CCDC171: variants seen among roughly 807,000 people sequenced by gnomAD.
The protein encoded by CCDC171 is coiled-coil domain-containing protein 171.
A neutral mutation model predicts 168.2 loss-of-function variants in CCDC171; 177 were observed. The ratio of observed to expected loss-of-function variants is 1.05; its 90% CI spans 0.93 to 1.19. The LOEUF is 1.19. CCDC171 is among the 50% of genes most tolerant of loss of function. The pLI, the probability that CCDC171 is intolerant of heterozygous loss-of-function variation, is 0.00. For synonymous variants in CCDC171, 687 were observed against 540.8 expected (o/e 1.27, Z -3.75); for missense variants, 1,991 against 1,539.0 (o/e 1.29, Z -4.91).
chr9:15,869,749 TAA>T (rs2061952927), intron 23 of CCDC171, among the ~76,000 whole-genome samples: 1 of 151,722 alleles, frequency 6.6e-6, no homozygotes, highest in Non-Finnish European at 1.5e-5. Flanking sequence ...CTAGACTATA[TAA>T]AACTTGAAAA....
At chr9:15,950,143 G>A (rs1251881876) in intron 25 of CCDC171, among the ~76,000 whole-genome samples, 8 of 152,084 alleles carry the variant, frequency 5.3e-5, no homozygotes, top group Non-Finnish European at 7.3e-5. Flanking sequence ...CCAAATCTAC[G>A]TCTGATTGGT....
At chr9:15,765,928 A>AT (rs925840479) in intron 18 of CCDC171, among the ~76,000 whole-genome samples, 4 of 152,046 alleles carry the variant, frequency 2.6e-5, no homozygotes, top group Admixed American at 2.6e-4. Context: ...TTTATTAGCT[A>AT]TTTTTTCAGG....
chr9:16,091,572 C>CA, the CCDC171 span, among the ~76,000 whole-genome samples: 10 of 152,142 alleles, frequency 6.6e-5, no homozygotes, highest in African/African-American at 2.4e-4. Context: ...GCTCTCAGGT[C>CA]GTGATCAGTC....
rs535186319 is a variant in CCDC171 at position 15,706,244 on chromosome 9, G to GCTTC, written c.1318+10931_1318+10934dup. Among the ~76,000 whole-genome samples, 353 of 77,202 alleles carry GCTTC rather than the reference G, an allele frequency of 4.6e-3. 2 individuals are homozygous for GCTTC. The highest frequency in any genetic ancestry group is 0.038 in the South Asian group (79 of 2,088). The allele number at this position is 77,202 out of a possible 152,430, so 50.6% of individuals were successfully genotyped here. A position where few individuals can be genotyped will look rare whatever the true frequency, so the allele number is the denominator to read the frequency against. Reference sequence around the variant, plus strand: ...TCCTTCCTTCCTTCCTTCCTTCCTTGCTTCCTTCCTTCCTTCCTTCCTTCC... The same window carrying GCTTC: ...TCCTTCCTTCCTTCCTTCCTTCCTTGCTTCCTTCCTTCCTTCCTTCCTTCCTTCC... On this transcript the variant is annotated intron_variant, in intron 11 of 25. Coordinates refer to ENST00000380701, the MANE Select transcript of CCDC171 (RefSeq NM_173550.4).
chr9:15,585,784 C>G (rs1192328523), intron 4 of CCDC171, among the ~76,000 whole-genome samples: 2 of 152,086 alleles, frequency 1.3e-5, no homozygotes, highest in African/African-American at 4.8e-5. Flanking sequence ...TCAAGACCAT[C>G]CTGACCAACA....
intron 24 of CCDC171, among the ~76,000 whole-genome samples, chr9:15,904,074 A>G (rs1822131202): frequency 1.3e-5 from 2 of 152,210 alleles, no homozygotes; most frequent in Non-Finnish European, 1.5e-5. Context: ...AGTGACGGGC[A>G]GAATGGAACC....
intron 18 of CCDC171, among the ~76,000 whole-genome samples, chr9:15,761,171 T>G (rs1447904039): frequency 6.6e-6 from 1 of 152,208 alleles, no homozygotes; most frequent in African/African-American, 2.4e-5. Context: ...CCTGTGTAAT[T>G]ACGTCTTAAT....
At chr9:15,939,281 A>G (rs1328994859) in intron 25 of CCDC171, among the ~76,000 whole-genome samples, 2 of 151,772 alleles carry the variant, frequency 1.3e-5, no homozygotes, top group Non-Finnish European at 2.9e-5. Flanking sequence ...TCATGTACTT[A>G]TATATCCTGA....
At chr9:15,924,174 G>T (rs993683598) in intron 25 of CCDC171, among the ~76,000 whole-genome samples, 18 of 151,458 alleles carry the variant, frequency 1.2e-4, no homozygotes, top group Non-Finnish European at 1.9e-4. Context: ...GCTGGAAATG[G>T]GTCATGTGGC....
At chr9:15,862,052 G>T (rs1035430080) in intron 23 of CCDC171, among the ~76,000 whole-genome samples, 1 of 151,772 alleles carries the variant, frequency 6.6e-6, no homozygotes, top group Non-Finnish European at 1.5e-5. Context: ...CTTTGAATAT[G>T]TCATGTTACT....
chr9:15,755,558 C>T (rs911150818), intron 18 of CCDC171, among the ~76,000 whole-genome samples: 3 of 152,078 alleles, frequency 2.0e-5, no homozygotes, highest in Non-Finnish European at 2.9e-5. Context: ...AAAGAAAACC[C>T]AGATGTCTAT....
intron 14 of CCDC171, among the ~76,000 whole-genome samples, chr9:15,725,328 G>A (rs2053730001): frequency 6.6e-6 from 1 of 152,092 alleles, no homozygotes; most frequent in South Asian, 2.1e-4. Flanking sequence ...GATTGATGGT[G>A]GAAAGAATAA....
intron 3 of CCDC171, among the ~76,000 whole-genome samples, chr9:16,006,580 C>T (rs553628889): frequency 4.1e-5 from 6 of 145,490 alleles, no homozygotes; most frequent in African/African-American, 1.2e-4. Flanking sequence ...ATCCCTCCCC[C>T]CTCCCCTCAC....
the CCDC171 span, among the ~76,000 whole-genome samples, chr9:16,079,916 CAT>C: frequency 1.3e-5 from 2 of 152,176 alleles, no homozygotes; most frequent in Non-Finnish European, 2.9e-5. Context: ...TCATTTTGCA[CAT>C]GAGGAAACTG....
At chr9:15,901,453 A>G (rs1821654828) in intron 24 of CCDC171, among the ~76,000 whole-genome samples, 1 of 152,216 alleles carries the variant, frequency 6.6e-6, no homozygotes, top group Admixed American at 6.5e-5. Flanking sequence ...CAGAGCATGT[A>G]TGGGAACTCT....
At chr9:15,903,354 C>A (rs570124815) in intron 24 of CCDC171, among the ~76,000 whole-genome samples, 1 of 152,228 alleles carries the variant, frequency 6.6e-6, no homozygotes, top group South Asian at 2.1e-4. Flanking sequence ...AATGATCAGG[C>A]GGCAACCTTT....
At chr9:15,653,985 A>G (rs1389146579) in intron 7 of CCDC171, among the ~76,000 whole-genome samples, 1 of 152,168 alleles carries the variant, frequency 6.6e-6, no homozygotes, top group Non-Finnish European at 1.5e-5. Flanking sequence ...TCAGATATCC[A>G]AATGTCCTCA....
rs538605183 is a variant in CCDC171 at position 15,710,824 on chromosome 9, G to A, written c.1319-10945G>A. On this transcript the variant is annotated intron_variant, in intron 11 of 25. Coordinates refer to ENST00000380701, the MANE Select transcript of CCDC171 (RefSeq NM_173550.4). ...GTTGACCAGGATGGTCTTGAACTCC[G>A]GACCTCAAGTGATCCACCTGCCTCG... 6.6e-5 allele frequency among the ~76,000 whole-genome samples: 10 copies of A among 150,662 alleles called. No homozygotes were observed. The East Asian group carries it at 1.8e-3, about 27-fold the overall frequency.
At chr9:15,597,998 T>C (rs142318370) in intron 6 of CCDC171, among the ~76,000 whole-genome samples, 1 of 152,124 alleles carries the variant, frequency 6.6e-6, no homozygotes. Flanking sequence ...GATATCCCCT[T>C]TATGATTTTT....
Sources: gnomAD v4.1 joint callset for allele counts (sites outside exome capture counted in the v4.1 genomes callset) on GRCh38, gnomAD v4.1.1 for gene constraint, MANE v1.5 for transcripts, NCBI Gene and HGNC (gene_info 2026-07-23, HGNC 2026-07-21) for gene names.